NWD2: variants seen among roughly 807,000 people sequenced by gnomAD.
The protein encoded by NWD2 is NACHT and WD repeat domain-containing protein 2.
A neutral mutation model predicts 132.7 loss-of-function variants in NWD2; 37 were observed. The observed-to-expected ratio is 0.28, with a 90% CI of 0.21 to 0.37. The LOEUF is 0.37. Among genes scored for constraint, NWD2 ranks in the 10% least tolerant of loss-of-function variants. The probability of loss-of-function intolerance (pLI) is 1.00; values close to 1 mark genes in which losing one functional copy is unlikely to be tolerated. For missense variants in NWD2, 1,592 were observed against 2,122.4 expected, an observed-to-expected ratio of 0.75 and a Z score of 4.91; for synonymous variants, 705 against 803.0, an observed-to-expected ratio of 0.88 and a Z score of 2.06.
intron 1 of NWD2, among the ~76,000 whole-genome samples, chr4:37,317,170 G>A (rs1718974704): frequency 6.6e-6 from 1 of 152,130 alleles, no homozygotes; most frequent in South Asian, 2.1e-4. Context: ...TCAAAGTTTA[G>A]GCAGTATTTA....
chr4:37,249,347 G>T (rs1453011585), intron 1 of NWD2, among the ~76,000 whole-genome samples: 3 of 152,220 alleles, frequency 2.0e-5, no homozygotes, highest in African/African-American at 7.2e-5. Flanking sequence ...AAAAGATACA[G>T]ACTTTTGTTG....
chr4:37,255,516 T>C (rs1442790577), intron 1 of NWD2, among the ~76,000 whole-genome samples: 1 of 152,156 alleles, frequency 6.6e-6, no homozygotes, highest in Non-Finnish European at 1.5e-5. Flanking sequence ...TGGGCTGAAA[T>C]GTGTTTAATT....
At chr4:37,442,354 AG>A (rs1712508676) in intron 6 of NWD2, among the ~76,000 whole-genome samples, 1 of 152,218 alleles carries the variant, frequency 6.6e-6, no homozygotes, top group African/African-American at 2.4e-5. Flanking sequence ...CTTTCAAAAC[AG>A]AAAGACTAAA....
chr4:37,246,333 G>A lies in NWD2; in HGVS notation c.151+1115G>A, dbSNP rs138440082. ...TAACTTTCTAGAAAATTACCGTTTC[G>A]GAAAAAATAGCACTAGCAGAAGTCT... On this transcript the variant is annotated intron_variant, in intron 1 of 6. Transcript: ENST00000309447. Among the ~76,000 whole-genome samples, 60 of 152,234 alleles carry A rather than the reference G, an allele frequency of 3.9e-4. 1 individual carries two copies. The East Asian group carries it at 0.011, about 28-fold the overall frequency.
chr4:37,357,463 C>T (rs1303598518), intron 3 of NWD2, among the ~76,000 whole-genome samples: 2 of 152,180 alleles, frequency 1.3e-5, no homozygotes, highest in Non-Finnish European at 2.9e-5. Flanking sequence ...TGTATAAAGG[C>T]TGTATCATAT....
intron 1 of NWD2, among the ~76,000 whole-genome samples, chr4:37,247,096 C>T (rs903032861): frequency 2.6e-5 from 4 of 152,164 alleles, no homozygotes; most frequent in Admixed American, 6.5e-5. Flanking sequence ...GGACAGCTTC[C>T]ACAAGGATCT....
chr4:37,341,398 A>G (rs1280365783), intron 2 of NWD2, among the ~76,000 whole-genome samples: 2 of 152,236 alleles, frequency 1.3e-5, no homozygotes, highest in Admixed American at 1.3e-4. Flanking sequence ...ATCTATATCT[A>G]TATTTGCATA....
intron 1 of NWD2, among the ~76,000 whole-genome samples, chr4:37,245,642 T>A (rs1328064590): frequency 1.3e-5 from 2 of 151,918 alleles, no homozygotes; most frequent in African/African-American, 2.4e-5. Flanking sequence ...AGTGCGGGGC[T>A]ACCTCCTTGG....
In NWD2 at chr4:37,444,707, C is replaced by T. The variant is rs770989728; in HGVS notation, c.2719C>T (p.Pro907Ser). 1 of 1,552,008 alleles carries T rather than the reference C, an allele frequency of 6.4e-7. No individual in the cohort carries two copies. The highest frequency in any genetic ancestry group is 1.4e-5 in the African/African-American group (1 of 73,050). Residue 907 changes from proline to serine, a missense_variant, in exon 7 of 7, where the codon CCC becomes TCC. Pro to Ser is a moderately conservative substitution (Grantham distance 74, BLOSUM62 -1). Coordinates refer to ENST00000309447, the MANE Select transcript of NWD2 (RefSeq NM_001144990.2). The surrounding 1 kb of genome is among the most constrained non-coding windows in gnomAD (Gnocchi z 4.8). ...RSIKNKVTAF[P>S]GSLSAELQQR... is the part of the protein sequence containing the mutation. ...CATCAAAAACAAGGTCACTGCATTT[C>T]CCGGCTCCCTTTCAGCAGAGCTTCA...
chr4:37,351,292 G>A (rs972421183), intron 2 of NWD2, among the ~76,000 whole-genome samples: 3 of 152,156 alleles, frequency 2.0e-5, no homozygotes, highest in East Asian at 1.9e-4. Context: ...GAATCCAGCT[G>A]TGAATCCATC....
chr4:37,300,235 C>T (rs1369695588), intron 1 of NWD2, among the ~76,000 whole-genome samples: 1 of 152,140 alleles, frequency 6.6e-6, no homozygotes, highest in Non-Finnish European at 1.5e-5. Flanking sequence ...GGAAATAGTG[C>T]CATCTTGCCC....
chr4:37,444,502 G>A lies in NWD2; in HGVS notation c.2514G>A (p.Leu838=). Residue 838 remains leucine (L), a synonymous_variant, in exon 7 of 7, where the codon TTG becomes TTA. Transcript: ENST00000309447. The surrounding 1 kb of genome is among the most constrained non-coding windows in gnomAD (Gnocchi z 4.8). Reference sequence around the variant, plus strand: ...ATCATCGGAAAATGTCTGAGCTGTTGTACCACTTGACGAGGTGTGGAAAAA... The same window carrying A: ...ATCATCGGAAAATGTCTGAGCTGTTATACCACTTGACGAGGTGTGGAAAAA... The part of the protein sequence containing the change: ...FVNHRKMSEL[L]YHLTRCGKTD... The A allele has an allele frequency of 6.4e-7, 1 of 1,551,762 alleles. No individual in the cohort carries two copies. Among genetic ancestry groups the A allele is most frequent in the Non-Finnish European group, 8.7e-7 (1 of 1,147,014 alleles).
chr4:37,326,026 T>A lies in NWD2; in HGVS notation c.240+2T>A. 6.7e-7 allele frequency: 1 copy of A among 1,500,122 alleles called. No individual in the cohort carries two copies. The allele number at this position is 1,500,122 out of a possible 1,614,324, so 92.9% of individuals were successfully genotyped here. A position where few individuals can be genotyped will look rare whatever the true frequency, so the allele number is the denominator to read the frequency against. ...GAAAACTATGGATTGGAATTTCAGG[T>A]AATTCTAGTGTTAATTTCATTCACA... is the stretch of plus-strand genomic sequence containing the variant. On this transcript the variant is annotated splice_donor_variant, in intron 2 of 6. Coordinates refer to ENST00000309447, the MANE Select transcript of NWD2 (RefSeq NM_001144990.2). LOFTEE classifies it high-confidence loss of function.
At chr4:37,292,436 T>C (rs1371001648) in intron 1 of NWD2, among the ~76,000 whole-genome samples, 1 of 152,102 alleles carries the variant, frequency 6.6e-6, no homozygotes, top group African/African-American at 2.4e-5. Context: ...GAGAGTGACC[T>C]CATCAGATAC....
chr4:37,301,659 T>A (rs1191094371), intron 1 of NWD2, among the ~76,000 whole-genome samples: 1 of 152,072 alleles, frequency 6.6e-6, no homozygotes, highest in African/African-American at 2.4e-5. Context: ...CTTTTTCAAA[T>A]CTGCGTTATT....
At position 37,445,538 on chromosome 4, in the gene NWD2, G is replaced by A. The variant is rs540481840; in HGVS notation, c.3550G>A (p.Asp1184Asn). The change falls in exon 7 of 7, where the codon GAT (aspartate) becomes AAT (asparagine). Residue 1184 changes from aspartate to asparagine, a missense_variant. Physicochemically the swap from Asp to Asn is conservative, Grantham distance 23. Coordinates refer to ENST00000309447, the MANE Select transcript of NWD2 (RefSeq NM_001144990.2). This position sits in a 1 kb window ranked among gnomAD's most constrained non-coding sequence, Gnocchi z 4.7. ...ISSPQLTDDF[D>N]CRREDSEVVS... ...CAGCCCCCAGCTGACTGATGACTTT[G>A]ATTGCCGAAGAGAAGACAGTGAGGT... is the stretch of plus-strand genomic sequence containing the variant. 1 of 1,552,074 alleles carries A rather than the reference G, an allele frequency of 6.4e-7. No homozygotes were observed. The highest frequency in any genetic ancestry group is 2.0e-5 in the Admixed American group (1 of 51,002).
rs1346917477 is a variant in NWD2, at chr4:37,448,160, C to G, written c.*943C>G. On this transcript the variant is annotated 3_prime_UTR_variant, in exon 7 of 7. Transcript: ENST00000309447. The stretch of plus-strand genomic sequence containing the variant: ...GCAGTTAGTCTTCATAGAAAGCAAG[C>G]TTTCTCAACATGCCATCTCTGAGAT... 1 of 152,210 alleles carries G rather than the reference C, an allele frequency of 6.6e-6. No homozygotes were observed. The highest frequency in any genetic ancestry group is 1.5e-5 in the Non-Finnish European group (1 of 68,040). The allele number at this position is 152,210 out of a possible 1,614,324, so 9.4% of individuals were successfully genotyped here.
At chr4:37,319,782 G>T (rs1719031648) in intron 1 of NWD2, among the ~76,000 whole-genome samples, 1 of 152,170 alleles carries the variant, frequency 6.6e-6, no homozygotes, top group East Asian at 1.9e-4. Flanking sequence ...TCAGATATCT[G>T]TAGTTGTGCA....
At chr4:37,414,990 C>A (rs1711547086) in intron 3 of NWD2, among the ~76,000 whole-genome samples, 1 of 152,210 alleles carries the variant, frequency 6.6e-6, no homozygotes, top group Non-Finnish European at 1.5e-5. Context: ...CTGCTCTGAA[C>A]CACTGTCGGT....
Sources: allele counts gnomAD v4.1 joint callset (sites outside exome capture counted in the v4.1 genomes callset), GRCh38; gene constraint gnomAD v4.1.1; non-coding constraint Gnocchi (gnomAD v3.1); transcripts MANE v1.5; gene names NCBI Gene and HGNC (gene_info 2026-07-23, HGNC 2026-07-21).